The following CSMD1 variants were observed in gnomAD, a reference collection of about 807,000 sequenced individuals.
CSMD1 encodes CUB and sushi domain-containing protein 1.
Under a neutral mutation model 417.5 loss-of-function variants are expected in CSMD1, and 213 were observed. The observed-to-expected ratio is 0.51, with a 90% confidence interval of 0.46 to 0.57. The LOEUF (loss-of-function observed/expected upper bound fraction) is 0.57, where lower values mean the gene tolerates loss of function less well. Among genes scored for constraint, CSMD1 ranks in the 20% least tolerant of loss-of-function variants. CSMD1 has a pLI of 0.00. For synonymous variants in CSMD1, 2,862 were observed against 1,736.8 expected (o/e 1.65, Z -16.11); for missense variants, 6,923 against 4,529.7 (o/e 1.53, Z -15.17).
At chr8:4,078,896 A>C (rs866422354) in intron 3 of CSMD1, among the ~76,000 whole-genome samples, 1 of 43,550 alleles carries the variant, frequency 2.3e-5, no homozygotes, top group Non-Finnish European at 4.7e-5. Context: ...AATAATAATA[A>C]ATATATATAT....
intron 5 of CSMD1, among the ~76,000 whole-genome samples, chr8:3,809,552 C>G (rs767628099): frequency 6.6e-6 from 1 of 152,108 alleles, no homozygotes; most frequent in Non-Finnish European, 1.5e-5. Context: ...TGCCATGCAT[C>G]GGATTCACTG....
chr8:4,348,064 C>G (rs1800875841), intron 3 of CSMD1, among the ~76,000 whole-genome samples: 1 of 152,000 alleles, frequency 6.6e-6, no homozygotes, highest in Non-Finnish European at 1.5e-5. Flanking sequence ...CAAAATACAC[C>G]AGGCAAAAAC....
chr8:3,458,189 A>T (rs1816278484), intron 12 of CSMD1, among the ~76,000 whole-genome samples: 1 of 152,168 alleles, frequency 6.6e-6, no homozygotes, highest in South Asian at 2.1e-4. Flanking sequence ...TTGGGAAGGG[A>T]GAGTGCAATG....
rs1390743618 is a variant in CSMD1, at chr8:2,974,503, C to T, written c.8688G>A (p.Thr2896=). The T allele has an allele frequency of 3.7e-6, 6 of 1,613,498 alleles. No homozygotes were observed. Among genetic ancestry groups the T allele is most frequent in the Middle Eastern group, 1.6e-4 (1 of 6,080 alleles). ...AGTGACTGTCTTCCTGGCACACTCT[C>T]GTGTCGTTGCCTATGAGGCTCTCGC... The part of the protein sequence containing the change: ...RGSESLIGND[T]RVCQEDSHWS... Residue 2896 remains threonine, a synonymous_variant, in exon 56 of 70, where the codon ACG becomes ACA. Transcript: ENST00000635120.
chr8:3,988,830 G>A (rs1157837907), intron 5 of CSMD1, among the ~76,000 whole-genome samples: 1 of 152,094 alleles, frequency 6.6e-6, no homozygotes, highest in Non-Finnish European at 1.5e-5. Flanking sequence ...CATCATTTAG[G>A]TCCTATTTTT....
intron 5 of CSMD1, among the ~76,000 whole-genome samples, chr8:3,821,297 C>T (rs987210122): frequency 3.3e-5 from 5 of 152,194 alleles, no homozygotes; most frequent in African/African-American, 7.2e-5. Flanking sequence ...TAACCAGCAA[C>T]ACAGTCATTA....
chr8:3,026,003 C>G (rs1809844339), intron 51 of CSMD1, among the ~76,000 whole-genome samples: 1 of 152,120 alleles, frequency 6.6e-6, no homozygotes, highest in Non-Finnish European at 1.5e-5. Context: ...GTGTCCCACC[C>G]CTGAGTCGAG....
At chr8:4,450,824 C>G (rs75762052) in intron 2 of CSMD1, among the ~76,000 whole-genome samples, 24,669 of 152,036 alleles carry the variant, frequency 0.16, 2,154 homozygotes, top group South Asian at 0.27. Flanking sequence ...AAACATACTG[C>G]ACTTGTGAGT....
intron 1 of CSMD1, among the ~76,000 whole-genome samples, chr8:4,980,891 G>A (rs1810852529): frequency 6.6e-6 from 1 of 150,836 alleles, no homozygotes; most frequent in Non-Finnish European, 1.5e-5. Context: ...GTGACAAAGT[G>A]AGACTGTCTC....
chr8:4,685,291 T>C (rs2116733440), intron 1 of CSMD1, among the ~76,000 whole-genome samples: 1 of 152,284 alleles, frequency 6.6e-6, no homozygotes, highest in East Asian at 1.9e-4. Flanking sequence ...AACTTAATCA[T>C]GGCCAGGCGT....
chr8:3,358,047 A>T (rs1414166767), intron 21 of CSMD1, among the ~76,000 whole-genome samples: 1 of 152,208 alleles, frequency 6.6e-6, no homozygotes, highest in Non-Finnish European at 1.5e-5. Flanking sequence ...AATCTGCCCC[A>T]AAGGCAGAAT....
intron 2 of CSMD1, among the ~76,000 whole-genome samples, chr8:4,614,458 C>A (rs1218559333): frequency 6.6e-6 from 1 of 152,096 alleles, no homozygotes; most frequent in Admixed American, 6.6e-5. Context: ...TTTATTTGGG[C>A]CTTAGTAAAT....
chr8:3,647,046 C>A (rs1003239118), intron 7 of CSMD1, among the ~76,000 whole-genome samples: 5 of 152,154 alleles, frequency 3.3e-5, no homozygotes, highest in Admixed American at 2.6e-4. Flanking sequence ...GTGCTTCTTG[C>A]GTGTCAGCTC....
intron 5 of CSMD1, among the ~76,000 whole-genome samples, chr8:3,912,785 T>A (rs1279533647): frequency 6.6e-6 from 1 of 152,204 alleles, no homozygotes; most frequent in Non-Finnish European, 1.5e-5. Context: ...CACGAAGGCA[T>A]GCAATGCTAG....
intron 3 of CSMD1, among the ~76,000 whole-genome samples, chr8:4,131,749 A>C (rs963808629): frequency 1.1e-4 from 16 of 142,328 alleles, no homozygotes; most frequent in African/African-American, 2.3e-4. Flanking sequence ...TTAGTATACA[A>C]ATGTGACTTT....
At chr8:3,424,207 C>T (rs566193382) in intron 12 of CSMD1, among the ~76,000 whole-genome samples, 1 of 152,096 alleles carries the variant, frequency 6.6e-6, no homozygotes, top group Admixed American at 6.5e-5. Context: ...GTACAGGAAG[C>T]TCATTTGTAT....
intron 1 of CSMD1, among the ~76,000 whole-genome samples, chr8:4,961,145 T>C (rs1325332448): frequency 1.3e-5 from 2 of 152,222 alleles, no homozygotes; most frequent in African/African-American, 4.8e-5. Context: ...ACTTCTTACC[T>C]TGAACAACTT....
intron 2 of CSMD1, among the ~76,000 whole-genome samples, chr8:4,435,893 G>A (rs754903631): frequency 1.2e-4 from 18 of 152,186 alleles, no homozygotes; most frequent in Non-Finnish European, 2.2e-4. Context: ...TGGAGTGTGT[G>A]TCAAATGTAG....
At chr8:4,966,630 T>C (rs551397486) in intron 1 of CSMD1, among the ~76,000 whole-genome samples, 10 of 152,282 alleles carry the variant, frequency 6.6e-5, no homozygotes, top group African/African-American at 2.2e-4. Context: ...GTTCACCCTG[T>C]ACAAACACAG....
Sources: gnomAD v4.1 joint callset for allele counts (sites outside exome capture counted in the v4.1 genomes callset) on GRCh38, gnomAD v4.1.1 for gene constraint, MANE v1.5 for transcripts, NCBI Gene and HGNC (gene_info 2026-07-23, HGNC 2026-07-21) for gene names.